Variants in MAGI2 observed in about 807,000 individuals in gnomAD.
MAGI2 encodes the protein membrane-associated guanylate kinase, WW and PDZ domain-containing protein 2.
MAGI2 carries 35 observed loss-of-function variants against 133.3 expected under a neutral mutation model. That is an observed-to-expected ratio of 0.26 (90% CI 0.20 to 0.35). The LOEUF (loss-of-function observed/expected upper bound fraction) is 0.35. Ranked by LOEUF, MAGI2 falls within the 10% of genes least tolerant of loss-of-function variation. The pLI, the probability that MAGI2 is intolerant of heterozygous loss-of-function variation, is 1.00. For missense variants in MAGI2, 1,636 were observed against 1,863.4 expected (o/e 0.88, Z 2.25); for synonymous variants, 729 against 710.6 (o/e 1.03, Z -0.41).
chr7:78,805,834 G>A (rs1788530665), intron 2 of MAGI2, among the ~76,000 whole-genome samples: 1 of 152,078 alleles, frequency 6.6e-6, no homozygotes, highest in South Asian at 2.1e-4. Flanking sequence ...CAACAGCCAT[G>A]ATGATGAGTG....
intron 3 of MAGI2, among the ~76,000 whole-genome samples, chr7:78,602,688 G>T (rs139407583): frequency 2.6e-5 from 4 of 152,038 alleles, no homozygotes; most frequent in African/African-American, 7.2e-5. Context: ...GGCCACATTC[G>T]CAAAGAGCCA....
intron 1 of MAGI2, among the ~76,000 whole-genome samples, chr7:79,105,754 T>C (rs1185069458): frequency 1.3e-5 from 2 of 152,138 alleles, no homozygotes; most frequent in African/African-American, 4.8e-5. Flanking sequence ...ACTGGTTTTC[T>C]CCATTGTAGT....
intron 2 of MAGI2, among the ~76,000 whole-genome samples, chr7:78,887,974 TC>T (rs1453317376): frequency 1.3e-5 from 2 of 152,150 alleles, no homozygotes; most frequent in African/African-American, 4.8e-5. Context: ...GAATTCCCTT[TC>T]CTAGTCAAAG....
chr7:78,725,973 C>T (rs1371687636), intron 2 of MAGI2, among the ~76,000 whole-genome samples: 1 of 152,066 alleles, frequency 6.6e-6, no homozygotes, highest in South Asian at 2.1e-4. Flanking sequence ...GTTTATATCC[C>T]AGGCTTTTAA....
intron 6 of MAGI2, among the ~76,000 whole-genome samples, chr7:78,383,773 G>A (rs780260084): frequency 1.3e-5 from 2 of 152,070 alleles, no homozygotes; most frequent in South Asian, 4.1e-4. Context: ...GTTGATTTTT[G>A]TATATAGTGA....
intron 6 of MAGI2, among the ~76,000 whole-genome samples, chr7:78,478,350 G>A (rs370932318): frequency 4.0e-5 from 6 of 151,806 alleles, no homozygotes; most frequent in East Asian, 3.9e-4. Context: ...TAGTTTAAGC[G>A]TCTTGTGGTA....
At chr7:78,819,339 T>C (rs1789886242) in intron 2 of MAGI2, among the ~76,000 whole-genome samples, 1 of 152,120 alleles carries the variant, frequency 6.6e-6, no homozygotes, top group South Asian at 2.1e-4. Context: ...GTCTCCTTCA[T>C]GGCTTTTGTG....
intron 1 of MAGI2, among the ~76,000 whole-genome samples, chr7:79,186,636 A>G (rs1014484612): frequency 7.4e-6 from 1 of 135,278 alleles, no homozygotes; most frequent in Admixed American, 7.4e-5. Flanking sequence ...ATACTTTCGT[A>G]TAAGTGCATA....
At chr7:79,249,442 T>TTTTATTTAA (rs1224672809) in intron 1 of MAGI2, among the ~76,000 whole-genome samples, 20 of 151,776 alleles carry the variant, frequency 1.3e-4, no homozygotes, top group Admixed American at 1.3e-3. Flanking sequence ...AAAATTTAAA[T>TTTTATTTAA]AAAATCCAGG....
chr7:79,376,363 T>A (rs1446565950), intron 1 of MAGI2, among the ~76,000 whole-genome samples: 1 of 151,960 alleles, frequency 6.6e-6, no homozygotes, highest in African/African-American at 2.4e-5. Flanking sequence ...CTCATTCTAC[T>A]GTACCCAACC....
chr7:79,050,526 G>A (rs1812580205), intron 1 of MAGI2, among the ~76,000 whole-genome samples: 1 of 152,128 alleles, frequency 6.6e-6, no homozygotes, highest in African/African-American at 2.4e-5. Context: ...AGGAGTGCAG[G>A]TGAGTGCCAC....
In MAGI2 at chr7:78,846,775, T is replaced by C. The variant is rs572516416; in HGVS notation, c.418+160315A>G. Among the ~76,000 whole-genome samples the C allele has an allele frequency of 1.2e-3, 180 of 152,028 alleles. 1 individual carries two copies. Among genetic ancestry groups the C allele is most frequent in the African/African-American group, 4.0e-3 (167 of 41,508 alleles). On this transcript the variant is annotated intron_variant, in intron 2 of 21. Transcript: ENST00000354212. Reference sequence around the variant, plus strand: ...TTTCTCCAGAGTCAAAACACTTGAGTGGTAGGGAATATTTATATCAGTAAT... The same window carrying C: ...TTTCTCCAGAGTCAAAACACTTGAGCGGTAGGGAATATTTATATCAGTAAT...
chr7:78,389,547 T>A (rs111917877), intron 6 of MAGI2, among the ~76,000 whole-genome samples: 1 of 152,170 alleles, frequency 6.6e-6, no homozygotes, highest in Non-Finnish European at 1.5e-5. Flanking sequence ...AGATAAAATG[T>A]TGTACCTTTC....
intron 1 of MAGI2, among the ~76,000 whole-genome samples, chr7:79,224,691 T>C (rs1022535271): frequency 3.3e-5 from 5 of 150,898 alleles, no homozygotes; most frequent in African/African-American, 1.2e-4. Context: ...TCATATGCTT[T>C]ACGCTAAGTG....
chr7:78,834,429 T>A (rs1791443420), intron 2 of MAGI2, among the ~76,000 whole-genome samples: 1 of 152,204 alleles, frequency 6.6e-6, no homozygotes, highest in Non-Finnish European at 1.5e-5. Context: ...TTCCTATAAA[T>A]TTTCTATAAC....
chr7:79,085,726 T>G (rs1033972303), intron 1 of MAGI2, among the ~76,000 whole-genome samples: 3 of 151,886 alleles, frequency 2.0e-5, no homozygotes, highest in Non-Finnish European at 1.5e-5. Context: ...TTTAAAGTCT[T>G]TATGCTTTGT....
intron 4 of MAGI2, among the ~76,000 whole-genome samples, chr7:78,521,059 G>A (rs1563116397): frequency 2.0e-5 from 3 of 152,054 alleles, no homozygotes; most frequent in African/African-American, 4.8e-5. Context: ...TTAACAGAGA[G>A]CTCAAAACTT....
At chr7:78,303,957 C>T (rs1312451625) in intron 9 of MAGI2, among the ~76,000 whole-genome samples, 1 of 152,070 alleles carries the variant, frequency 6.6e-6, no homozygotes, top group Non-Finnish European at 1.5e-5. Flanking sequence ...CCTACTCCCC[C>T]ACTCCCCACC....
intron 1 of MAGI2, among the ~76,000 whole-genome samples, chr7:79,251,004 A>G (rs965822566): frequency 6.6e-6 from 1 of 152,214 alleles, no homozygotes; most frequent in African/African-American, 2.4e-5. Flanking sequence ...AGTCTCTTCA[A>G]TAAATGCTGC....
Sources: allele counts gnomAD v4.1 joint callset (sites outside exome capture counted in the v4.1 genomes callset), GRCh38; gene constraint gnomAD v4.1.1; transcripts MANE v1.5; gene names NCBI Gene and HGNC (gene_info 2026-07-23, HGNC 2026-07-21).